CSTPP1: variants seen among roughly 807,000 people sequenced by gnomAD.
CSTPP1 encodes the protein UPF0705 protein C11orf49.
the CSTPP1 span, among the ~76,000 whole-genome samples, chr11:47,076,536 A>G: frequency 8.5e-5 from 13 of 152,266 alleles, no homozygotes; most frequent in African/African-American, 3.1e-4. Context: ...TGATAGCCAG[A>G]AGCCAAAACA....
At chr11:47,137,945 G>T in the CSTPP1 span, 3 of 598,082 alleles carry the variant, frequency 5.0e-6, no homozygotes, top group African/African-American at 5.6e-5. Flanking sequence ...GGAGCCTCAG[G>T]GTCTGAAGAT....
chr11:47,126,017 A>C, the CSTPP1 span, among the ~76,000 whole-genome samples: 2 of 144,134 alleles, frequency 1.4e-5, no homozygotes, highest in Non-Finnish European at 3.1e-5. Context: ...ACTCTGTCTC[A>C]AAAAAAAAAA....
chr11:46,994,310 C>G, the CSTPP1 span, among the ~76,000 whole-genome samples: 39 of 152,220 alleles, frequency 2.6e-4, no homozygotes, highest in Admixed American at 6.5e-4. Context: ...ACTTCCAACA[C>G]TATGTTGAAT....
the CSTPP1 span, among the ~76,000 whole-genome samples, chr11:47,145,758 A>G: frequency 6.6e-6 from 1 of 152,270 alleles, no homozygotes; most frequent in Non-Finnish European, 1.5e-5. Flanking sequence ...CAGCCTCCTG[A>G]GTAGCTAGGA....
chr11:47,159,802 C>T, the CSTPP1 span: 16 of 429,890 alleles, frequency 3.7e-5, no homozygotes, highest in Admixed American at 7.9e-5. Context: ...GTCAGGAGTT[C>T]GAGACCAGCC....
At chr11:47,023,822 T>C in the CSTPP1 span, among the ~76,000 whole-genome samples, 19 of 152,236 alleles carry the variant, frequency 1.2e-4, no homozygotes, top group African/African-American at 4.3e-4. Flanking sequence ...GTCCGTTGTA[T>C]GTATGTATCA....
chr11:47,133,124 G>A, the CSTPP1 span, among the ~76,000 whole-genome samples: 2 of 152,134 alleles, frequency 1.3e-5, no homozygotes, highest in African/African-American at 2.4e-5. Flanking sequence ...ATTTGGACCC[G>A]AACAATCTAA....
chr11:47,161,490 A>G, the CSTPP1 span: 28 of 1,613,892 alleles, frequency 1.7e-5, no homozygotes, highest in South Asian at 2.6e-4. Flanking sequence ...GGCCTGGTCA[A>G]CTCGGTCACA....
the CSTPP1 span, among the ~76,000 whole-genome samples, chr11:47,105,889 G>A: frequency 6.6e-6 from 1 of 152,244 alleles, no homozygotes; most frequent in African/African-American, 2.4e-5. Context: ...CCTGGAAGTA[G>A]AATCAGAAGG....
the CSTPP1 span, among the ~76,000 whole-genome samples, chr11:46,941,585 C>T: frequency 6.6e-6 from 1 of 152,102 alleles, no homozygotes; most frequent in Non-Finnish European, 1.5e-5. Context: ...GGTGATCCAC[C>T]CACCTTAGCC....
chr11:47,105,511 AT>A, the CSTPP1 span, among the ~76,000 whole-genome samples: 3 of 151,742 alleles, frequency 2.0e-5, no homozygotes, highest in South Asian at 4.2e-4. Flanking sequence ...TGAAAAAAAA[AT>A]TTTTTTTTAA....
At chr11:47,044,028 C>T in the CSTPP1 span, among the ~76,000 whole-genome samples, 2 of 152,010 alleles carry the variant, frequency 1.3e-5, no homozygotes, top group Admixed American at 6.6e-5. Flanking sequence ...GCTCTGTCAC[C>T]CAGGCTGGAG....
chr11:47,066,567 A>ATGAATACAAATTATTAT, the CSTPP1 span, among the ~76,000 whole-genome samples: 1 of 152,242 alleles, frequency 6.6e-6, no homozygotes, highest in South Asian at 2.1e-4. Context: ...TGGAAAATGA[A>ATGAATACAAATTATTAT]TGAATACAAA....
the CSTPP1 span, among the ~76,000 whole-genome samples, chr11:47,047,241 T>C: frequency 1.3e-5 from 2 of 152,182 alleles, no homozygotes; most frequent in African/African-American, 2.4e-5. Flanking sequence ...GCTTTTTCAC[T>C]GAGAGAAGAA....
At chr11:46,953,313 A>G in the CSTPP1 span, among the ~76,000 whole-genome samples, 1 of 152,082 alleles carries the variant, frequency 6.6e-6, no homozygotes, top group African/African-American at 2.4e-5. Context: ...CAAGAGGAGG[A>G]AGAGAGAGTT....
chr11:46,990,580 T>C, the CSTPP1 span, among the ~76,000 whole-genome samples: 1 of 152,232 alleles, frequency 6.6e-6, no homozygotes, highest in South Asian at 2.1e-4. Flanking sequence ...TTTCCCATTC[T>C]GTAGGTTGTC....
the CSTPP1 span, among the ~76,000 whole-genome samples, chr11:47,090,689 G>A: frequency 6.6e-6 from 1 of 152,134 alleles, no homozygotes; most frequent in African/African-American, 2.4e-5. Flanking sequence ...ATGAATTATA[G>A]TATTGAGCCC....
the CSTPP1 span, among the ~76,000 whole-genome samples, chr11:47,158,771 G>C: frequency 6.6e-6 from 1 of 152,136 alleles, no homozygotes; most frequent in Non-Finnish European, 1.5e-5. Flanking sequence ...CTGGGCTCAA[G>C]GGATCCCCTC....
chr11:47,096,811 G>GA, the CSTPP1 span, among the ~76,000 whole-genome samples: 48,041 of 117,908 alleles, frequency 0.41, 8,341 homozygotes, highest in East Asian at 0.69. Flanking sequence ...AGGCCCAGCA[G>GA]AAAAAAAAAA....
Sources: gnomAD v4.1 joint callset for allele counts (sites outside exome capture counted in the v4.1 genomes callset) on GRCh38, gnomAD v4.1.1 for gene constraint, MANE v1.5 for transcripts, NCBI Gene and HGNC (gene_info 2026-07-23, HGNC 2026-07-21) for gene names.